Variants in PSG7 observed in about 807,000 individuals in gnomAD.
The protein encoded by PSG7 is pregnancy-specific beta-1-glycoprotein 7.
PSG7 carries 57 observed loss-of-function variants against 45.6 expected under a neutral mutation model. The observed-to-expected ratio is 1.25, with a 90% CI of 1.01 to 1.56. The LOEUF is 1.56. Ranked by LOEUF, PSG7 falls within the 40% of genes most tolerant of loss-of-function variation. The pLI is 0.00. For missense variants in PSG7, 796 were observed against 508.4 expected, an observed-to-expected ratio of 1.57 and a Z score of -5.44; for synonymous variants, 298 against 194.4, an observed-to-expected ratio of 1.53 and a Z score of -4.43.
chr19:42,924,497 A>C lies in PSG7; in HGVS notation c.*311T>G. ...CATTATCCTGCCAAGTGAAAGAGGC[A>C]GGCACAAGCAAGGACAGCTAAGAGG... On this transcript the variant is annotated 3_prime_UTR_variant, in exon 6 of 6. Transcript: ENST00000406070. The C allele has an allele frequency of 1.8e-6, 1 of 562,076 alleles. No homozygotes were observed. Among genetic ancestry groups the C allele is most frequent in the South Asian group, 2.7e-5 (1 of 36,906 alleles). 34.8% of individuals were successfully genotyped at this position (562,076 alleles called of 1,614,324 possible).
In PSG7 at chr19:42,924,405, T is replaced by C. The variant is rs1289075363; in HGVS notation, c.*403A>G. On this transcript the variant is annotated 3_prime_UTR_variant, in exon 6 of 6. Transcript: ENST00000406070. ...GTTATGTAAAAGTCTGAGGTTGAGATGACATATCTGACACTCTGTTGTTAC... is the reference window on the plus strand; with the variant it reads ...GTTATGTAAAAGTCTGAGGTTGAGACGACATATCTGACACTCTGTTGTTAC... 2.2e-6 allele frequency: 1 copy of C among 452,718 alleles called. No homozygotes were observed. Among genetic ancestry groups the C allele is most frequent in the Non-Finnish European group, 3.8e-6 (1 of 259,956 alleles). The allele number at this position is 452,718 out of a possible 1,614,324, so 28.0% of individuals were successfully genotyped here.
rs373637874 is a variant in PSG7, at chr19:42,926,653, G to C, written c.773C>G (p.Ser258Ter). ...ACTCTTAGGTTCACAGGTGAAGGTTGAGACATCCTTATTCTCCCTGGGGTT... is the reference window on the plus strand; with the variant it reads ...ACTCTTAGGTTCACAGGTGAAGGTTCAGACATCCTTATTCTCCCTGGGGTT... ...NLNPRENKDV[S>*]TFTCEPKSEN... Residue 258 changes from serine to a stop codon, truncating the protein, a stop_gained, in exon 4 of 6, where the codon TCA becomes TGA. Transcript: ENST00000406070. LOFTEE classifies it high-confidence loss of function. The C allele has an allele frequency of 1.2e-6, 2 of 1,610,302 alleles. No homozygotes were observed. Among genetic ancestry groups the C allele is most frequent in the Admixed American group, 1.7e-5 (1 of 59,912 alleles).
intron 5 of PSG7, chr19:42,925,104 C>T (rs897985083): frequency 1.5e-5 from 7 of 480,376 alleles, no homozygotes; most frequent in Admixed American, 3.6e-5. Flanking sequence ...CAGATTAAAC[C>T]TTTACAAAAC....
intron 2 of PSG7, among the ~76,000 whole-genome samples, chr19:42,934,159 C>A (rs761224897): frequency 1.3e-5 from 2 of 151,382 alleles, no homozygotes; most frequent in Non-Finnish European, 2.9e-5. Context: ...CTTTGGGAAA[C>A]ACAGGATTTC....
At chr19:42,935,915 A>ACAAACACAC (rs1568461441) in intron 1 of PSG7, 146 bp from the exon 2 acceptor site, 2 of 284,668 alleles carry the variant, frequency 7.0e-6, no homozygotes, top group Non-Finnish European at 1.0e-5. Flanking sequence ...CACACACACA[A>ACAAACACAC]ACACACACAC....
At position 42,933,289 on chromosome 19, in the gene PSG7, A is replaced by T. The variant is rs1568459475; in HGVS notation, c.430+2115T>A. 4.5e-3 allele frequency among the ~76,000 whole-genome samples: 40 copies of T among 8,898 alleles called. 1 individual carries two copies. The highest frequency in any genetic ancestry group is 0.012 in the African/African-American group (36 of 2,964). 5.8% of individuals were successfully genotyped at this position (8,898 alleles called of 152,430 possible). On this transcript the variant is annotated intron_variant, in intron 2 of 5. Coordinates refer to ENST00000406070, the MANE Select transcript of PSG7 (RefSeq NM_002783.3). The stretch of plus-strand genomic sequence containing the variant: ...TCAATATATATATATATATATATAT[A>T]TATATATATATATATATATTTTTTT...
chr19:42,936,456 G>C (rs1973154547), intron 1 of PSG7: 1 of 156,522 alleles, frequency 6.4e-6, no homozygotes, highest in South Asian at 2.0e-4. Context: ...AGTGTCATCT[G>C]ATATAGTTAT....
intron 2 of PSG7, among the ~76,000 whole-genome samples, chr19:42,934,523 A>G (rs1410823956): frequency 2.0e-5 from 3 of 151,562 alleles, no homozygotes; most frequent in Admixed American, 1.3e-4. Flanking sequence ...TAAATGGCAA[A>G]TGGACTGTGG....
chr19:42,926,499 T>A lies in PSG7; in HGVS notation c.927A>T (p.Gln309His), dbSNP rs1333527463. Residue 309 changes from glutamine (Q) to histidine (H), a missense_variant, in exon 4 of 6, where the codon CAA becomes CAT. Physicochemically the swap from Gln to His is conservative, Grantham distance 24. Coordinates refer to ENST00000406070, the MANE Select transcript of PSG7 (RefSeq NM_002783.3). ...CACCATATCGGTCCCGTATTTCACA[T>A]TGATAGGGTCCTGTTTCATTTCTCG... ...SVTRNETGPY[Q>H]CEIRDRYGGI... 1 of 1,611,248 alleles carries A rather than the reference T, an allele frequency of 6.2e-7. No individual in the cohort carries two copies. The highest frequency in any genetic ancestry group is 1.7e-5 in the Admixed American group (1 of 59,822).
intron 2 of PSG7, among the ~76,000 whole-genome samples, chr19:42,933,308 T>TA (rs1555745220): frequency 0.02 from 237 of 11,572 alleles, 3 homozygotes; most frequent in South Asian, 0.027. Flanking sequence ...TATATATATA[T>TA]TTTTTTTTTT....
chr19:42,935,015 G>C lies in PSG7; in HGVS notation c.430+389C>G, dbSNP rs530175930. 1.7e-4 allele frequency among the ~76,000 whole-genome samples: 26 copies of C among 151,724 alleles called. 1 individual carries two copies. Among genetic ancestry groups the C allele is most frequent in the African/African-American group, 5.6e-4 (23 of 41,370 alleles). ...GCAAGGATTTAGGGACAGGGGTCTG[G>C]GGTTGAGGCTTCTAGGGCTGAGCTT... On this transcript the variant is annotated intron_variant, in intron 2 of 5. Transcript: ENST00000406070.
At chr19:42,928,994 G>C (rs1972956779) in intron 3 of PSG7, among the ~76,000 whole-genome samples, 1 of 151,494 alleles carries the variant, frequency 6.6e-6, no homozygotes, top group African/African-American at 2.4e-5. Flanking sequence ...GACTTCTCTT[G>C]TATGGTAATA....
chr19:42,924,671 A>T lies in PSG7; in HGVS notation c.*137T>A, dbSNP rs1972487390. ...CATTTTGGTGAGTTCTGAGTGGCTC[A>T]GACATCAGGTACAAGGATTTTCCCA... is the stretch of plus-strand genomic sequence containing the variant. On this transcript the variant is annotated 3_prime_UTR_variant, in exon 6 of 6. Transcript: ENST00000406070. The T allele has an allele frequency of 1.3e-6, 1 of 757,016 alleles. No homozygotes were observed. Among genetic ancestry groups the T allele is most frequent in the Non-Finnish European group, 2.4e-6 (1 of 414,228 alleles). 46.9% of individuals were successfully genotyped at this position (757,016 alleles called of 1,614,324 possible). A position where few individuals can be genotyped will look rare whatever the true frequency, so the allele number is the denominator to read the frequency against.
At chr19:42,931,419 A>G (rs1600568796) in intron 2 of PSG7, among the ~76,000 whole-genome samples, 1 of 151,564 alleles carries the variant, frequency 6.6e-6, no homozygotes, top group African/African-American at 2.4e-5. Flanking sequence ...CAATTACATA[A>G]AGAGAGGAAG....
chr19:42,933,307 A>ATATTTTTTTT (rs56691588), intron 2 of PSG7, among the ~76,000 whole-genome samples: 1 of 13,508 alleles, frequency 7.4e-5, no homozygotes, highest in African/African-American at 1.7e-4. Context: ...ATATATATAT[A>ATATTTTTTTT]TTTTTTTTTT....
At chr19:42,935,188 T>C (rs899371915) in intron 2 of PSG7, among the ~76,000 whole-genome samples, 6 of 151,904 alleles carry the variant, frequency 3.9e-5, no homozygotes, top group Non-Finnish European at 7.4e-5. Flanking sequence ...GTCCTTCCTC[T>C]GCAGCAAGTT....
chr19:42,924,926 A>G (rs1972493401), intron 5 of PSG7, 102 bp from the exon 6 acceptor site: 1 of 739,090 alleles, frequency 1.4e-6, no homozygotes, highest in Non-Finnish European at 2.5e-6. Context: ...CTCTATGGGC[A>G]TCTCTAGTTT....
At position 42,924,822 on chromosome 19, in the gene PSG7, A is replaced by T; in HGVS notation, c.1246T>A (p.Trp416Arg). ...ACTAGTAGAATTCAGGGTAATGTCC[A>T]GTCTACAGTGGATAATAAAAACACA... ...SKSVTVRVSD[W>R]TLP Residue 416 changes from tryptophan to arginine, a missense_variant and splice_region_variant, in exon 6 of 6, where the codon TGG (tryptophan) becomes AGG (arginine). Transcript: ENST00000406070. 1 of 754,224 alleles carries T rather than the reference A, an allele frequency of 1.3e-6. No homozygotes were observed. The highest frequency in any genetic ancestry group is 1.4e-5 in the South Asian group (1 of 73,232). The allele number at this position is 754,224 out of a possible 1,614,324, so 46.7% of individuals were successfully genotyped here.
chr19:42,936,947 C>G lies in PSG7; in HGVS notation c.64+66G>C, dbSNP rs569460338. On this transcript the variant is annotated intron_variant, in intron 1 of 5. Coordinates refer to ENST00000406070, the MANE Select transcript of PSG7 (RefSeq NM_002783.3). ...TTTATTTTTTAGAACCCCATCCTCT[C>G]TAGGAGACCCCATCCAGTCACTCTG... 38 of 1,594,758 alleles carry G rather than the reference C, an allele frequency of 2.4e-5. 1 individual carries two copies. Among genetic ancestry groups the G allele is most frequent in the Non-Finnish European group, 3.1e-5 (36 of 1,165,266 alleles).
Sources: allele counts gnomAD v4.1 joint callset (sites outside exome capture counted in the v4.1 genomes callset), GRCh38; gene constraint gnomAD v4.1.1; transcripts MANE v1.5; gene names NCBI Gene and HGNC (gene_info 2026-07-23, HGNC 2026-07-21).